GPC4: variants seen among roughly 807,000 people sequenced by gnomAD.
GPC4 encodes the protein glypican 4, also known as glypican-4.
Under a neutral mutation model 35.0 loss-of-function variants are expected in GPC4, and 10 were observed. That is an observed-to-expected ratio of 0.29 (90% CI 0.18 to 0.48). GPC4 has a LOEUF of 0.48. Ranked by LOEUF, GPC4 falls within the 20% of genes least tolerant of loss-of-function variation. The pLI is 0.99. For missense variants in GPC4, 322 were observed against 451.3 expected (o/e 0.71, Z 2.60); for synonymous variants, 167 against 170.2 (o/e 0.98, Z 0.15).
At chrX:133,316,230 T>A (rs2068337742) in intron 3 of GPC4, among the ~76,000 whole-genome samples, 1 of 111,981 alleles carries the variant, frequency 8.9e-6, no homozygotes, top group South Asian at 3.7e-4. Context: ...TTAACTCATT[T>A]AAGCCTCAAA....
intron 1 of GPC4, 175 bp downstream of exon 1, chrX:133,414,631 T>C (rs1282840379): frequency 1.3e-6 from 1 of 752,684 alleles, no homozygotes; most frequent in African/African-American, 2.3e-5. Context: ...GGGAACGTCC[T>C]GCGCCCGGGC....
intron 2 of GPC4, among the ~76,000 whole-genome samples, chrX:133,326,016 G>T (rs898062086): frequency 2.4e-5 from 2 of 84,500 alleles, no homozygotes; most frequent in Non-Finnish European, 4.2e-5. Flanking sequence ...TGTAGGTATG[G>T]CTTGTGTTTT....
At chrX:133,341,897 T>G (rs1431115611) in intron 1 of GPC4, among the ~76,000 whole-genome samples, 1 of 109,254 alleles carries the variant, frequency 9.2e-6, no homozygotes, top group East Asian at 2.9e-4. Flanking sequence ...ATGGCACCAT[T>G]TACACTGCCA....
At chrX:133,410,612 G>A (rs1325319606) in intron 1 of GPC4, among the ~76,000 whole-genome samples, 2 of 112,185 alleles carry the variant, frequency 1.8e-5, no homozygotes, top group Non-Finnish European at 3.8e-5. Flanking sequence ...AACTGCCTCA[G>A]ATTAACGCCA....
chrX:133,311,654 C>A, intron 3 of GPC4: 4 of 434,380 alleles, frequency 9.2e-6, no homozygotes, highest in Non-Finnish European at 1.2e-5. Context: ...CACCAACTCC[C>A]ACCCTGTAAA....
intron 2 of GPC4, among the ~76,000 whole-genome samples, chrX:133,337,521 C>A (rs1367518220): frequency 1.8e-5 from 2 of 111,830 alleles, no homozygotes; most frequent in Non-Finnish European, 3.8e-5. Context: ...TTTATCTCCA[C>A]TACATTGTGC....
In GPC4 at chrX:133,355,572, G is replaced by A. The variant is rs773112994; in HGVS notation, c.161-16231C>T. On this transcript the variant is annotated intron_variant, in intron 1 of 8. Coordinates refer to ENST00000370828, the MANE Select transcript of GPC4 (RefSeq NM_001448.3). The stretch of plus-strand genomic sequence containing the variant: ...TGACACACTTGGTAGCCTTGGGACC[G>A]CATACAGAACCCAAACTTCTTTTTA... 8.2e-4 allele frequency among the ~76,000 whole-genome samples: 92 copies of A among 111,948 alleles called. 1 individual carries two copies. The highest frequency in any genetic ancestry group is 3.4e-3 in the South Asian group (9 of 2,638).
At chrX:133,371,515 C>T (rs1240563114) in intron 1 of GPC4, among the ~76,000 whole-genome samples, 1 of 111,637 alleles carries the variant, frequency 9.0e-6, no homozygotes, top group African/African-American at 3.3e-5. Flanking sequence ...GATCAGCAGC[C>T]CCCCTGCCCT....
intron 1 of GPC4, among the ~76,000 whole-genome samples, chrX:133,354,341 G>T (rs1163217662): frequency 8.9e-6 from 1 of 112,043 alleles, no homozygotes; most frequent in Non-Finnish European, 1.9e-5. Flanking sequence ...TCAAGGATGA[G>T]AACAAATATG....
intron 1 of GPC4, among the ~76,000 whole-genome samples, chrX:133,399,285 A>G (rs1447598930): frequency 1.8e-5 from 2 of 111,487 alleles, no homozygotes; most frequent in African/African-American, 6.5e-5. Flanking sequence ...TAGAGGACAG[A>G]AAACAACAGT....
intron 3 of GPC4, among the ~76,000 whole-genome samples, chrX:133,322,678 CTG>C (rs1454625182): frequency 1.8e-5 from 2 of 111,855 alleles, no homozygotes; most frequent in Non-Finnish European, 3.8e-5. Flanking sequence ...TGTAGATAAA[CTG>C]TGAGAGGCAA....
intron 7 of GPC4, among the ~76,000 whole-genome samples, chrX:133,304,007 G>T (rs112549348): frequency 5.5e-5 from 6 of 108,937 alleles, no homozygotes; most frequent in African/African-American, 1.7e-4. Context: ...AGAAGTATGG[G>T]TACTGGCTGG....
At chrX:133,410,955 G>A (rs2068810352) in intron 1 of GPC4, among the ~76,000 whole-genome samples, 1 of 112,108 alleles carries the variant, frequency 8.9e-6, no homozygotes, top group Non-Finnish European at 1.9e-5. Flanking sequence ...CAAAACAGGA[G>A]ATCACAGATT....
chrX:133,343,915 T>C (rs1392311684), intron 1 of GPC4, among the ~76,000 whole-genome samples: 1 of 110,594 alleles, frequency 9.0e-6, no homozygotes, highest in Non-Finnish European at 1.9e-5. Context: ...AGGCATTGAA[T>C]ATGAGGAATC....
chrX:133,396,547 C>T (rs757793248), intron 1 of GPC4, among the ~76,000 whole-genome samples: 2 of 111,891 alleles, frequency 1.8e-5, no homozygotes, highest in Non-Finnish European at 3.8e-5. Flanking sequence ...AAAAACACAT[C>T]TCATTTTTTT....
At chrX:133,330,956 AAACG>A (rs377000654) in intron 2 of GPC4, among the ~76,000 whole-genome samples, 2,212 of 54,380 alleles carry the variant, frequency 0.041, 57 homozygotes, top group African/African-American at 0.24. Context: ...CAAAACAAAC[AAACG>A]AACAAACAAA....
At chrX:133,323,882 T>C (rs756078483) in intron 3 of GPC4, among the ~76,000 whole-genome samples, 4 of 111,217 alleles carry the variant, frequency 3.6e-5, no homozygotes, top group African/African-American at 1.3e-4. Flanking sequence ...TGAGTAAACA[T>C]ATATTCCCCC....
chrX:133,317,790 G>A (rs777495251), intron 3 of GPC4, among the ~76,000 whole-genome samples: 8 of 111,678 alleles, frequency 7.2e-5, no homozygotes, highest in African/African-American at 1.6e-4. Context: ...AAGAGTGATA[G>A]GGAACCCACA....
At chrX:133,380,606 GT>G (rs1300838273) in intron 1 of GPC4, among the ~76,000 whole-genome samples, 1 of 111,356 alleles carries the variant, frequency 9.0e-6, no homozygotes, top group African/African-American at 3.3e-5. Context: ...GCAGCATTTT[GT>G]TGTTGTTGTT....
Sources: gnomAD v4.1 joint callset for allele counts (sites outside exome capture counted in the v4.1 genomes callset) on GRCh38, gnomAD v4.1.1 for gene constraint, MANE v1.5 for transcripts, NCBI Gene and HGNC (gene_info 2026-07-23, HGNC 2026-07-21) for gene names.